VWA3B: variants seen among roughly 807,000 people sequenced by gnomAD.
VWA3B encodes von Willebrand factor A domain-containing protein 3B.
VWA3B carries 138 observed loss-of-function variants against 158.3 expected under a neutral mutation model. The observed-to-expected ratio is 0.87, with a 90% CI of 0.76 to 1.00. The LOEUF (loss-of-function observed/expected upper bound fraction) is 1.00. Ranked by LOEUF, VWA3B falls within the 50% of genes least tolerant of loss-of-function variation. VWA3B has a pLI of 0.00. For synonymous variants in VWA3B, 596 were observed against 587.3 expected, an observed-to-expected ratio of 1.01 and a Z score of -0.21; for missense variants, 1,555 against 1,565.1, an observed-to-expected ratio of 0.99 and a Z score of 0.11.
intron 7 of VWA3B, among the ~76,000 whole-genome samples, chr2:98,157,309 T>A (rs1460320793): frequency 1.3e-5 from 2 of 152,196 alleles, no homozygotes; most frequent in African/African-American, 4.8e-5. Context: ...AATTAATGAA[T>A]GGTTAATTTC....
Position 98,162,835 on chromosome 2 carries a change from G to C in VWA3B, c.989-16G>C, listed in dbSNP as rs371601043. ...CCTGTCTCAGCCGGCCGCTCATGCT[G>C]TGTCTCCCCTTTTAGGAGCTGGAGT... On this transcript the variant is annotated splice_polypyrimidine_tract_variant and intron_variant, in intron 7 of 27. Coordinates refer to ENST00000477737, the MANE Select transcript of VWA3B (RefSeq NM_144992.5). 1 of 1,612,950 alleles carries C rather than the reference G, an allele frequency of 6.2e-7. No individual in the cohort carries two copies. Among genetic ancestry groups the C allele is most frequent in the South Asian group, 1.1e-5 (1 of 91,000 alleles).
At chr2:98,278,419 T>C (rs1688661025) in intron 22 of VWA3B, among the ~76,000 whole-genome samples, 1 of 152,214 alleles carries the variant, frequency 6.6e-6, no homozygotes, top group African/African-American at 2.4e-5. Flanking sequence ...GTTTAACTCC[T>C]TGGTGTGACA....
chr2:98,130,191 T>A (rs186811089), intron 6 of VWA3B, among the ~76,000 whole-genome samples: 1 of 152,196 alleles, frequency 6.6e-6, no homozygotes, highest in Non-Finnish European at 1.5e-5. Flanking sequence ...GATGTGCATA[T>A]ACATAAACAT....
chr2:98,194,274 T>C (rs1006373927), intron 11 of VWA3B, 87 bp from the exon 12 acceptor site: 28 of 1,377,894 alleles, frequency 2.0e-5, no homozygotes, highest in Non-Finnish European at 2.6e-5. Context: ...GAGACCATCA[T>C]GATTAAAATA....
intron 25 of VWA3B, 61 bp downstream of exon 25, chr2:98,300,277 C>A: frequency 6.3e-7 from 1 of 1,598,168 alleles, no homozygotes; most frequent in Non-Finnish European, 8.5e-7. Context: ...TGTATCCTGG[C>A]ACTGCCAGGC....
chr2:98,182,353 C>A (rs766355648), intron 9 of VWA3B, among the ~76,000 whole-genome samples: 16 of 152,218 alleles, frequency 1.1e-4, no homozygotes, highest in Middle Eastern at 3.2e-3. Context: ...GGAAAGGGCA[C>A]TGTCCGTCGG....
intron 22 of VWA3B, among the ~76,000 whole-genome samples, chr2:98,272,694 G>A (rs1034994645): frequency 6.6e-6 from 1 of 152,090 alleles, no homozygotes; most frequent in Non-Finnish European, 1.5e-5. Flanking sequence ...AGGATGTTAG[G>A]AGTTATGAGC....
At chr2:98,329,877 G>A in the VWA3B span, among the ~76,000 whole-genome samples, 2 of 152,170 alleles carry the variant, frequency 1.3e-5, no homozygotes. Context: ...AAGAGTCTCA[G>A]CCTGCCCTTC....
chr2:98,180,936 C>G, intron 8 of VWA3B, 80 bp from the exon 9 acceptor site: 1 of 1,380,454 alleles, frequency 7.2e-7, no homozygotes, highest in Non-Finnish European at 9.9e-7. Flanking sequence ...GAACACGTTC[C>G]AAGTTGGTCA....
At chr2:98,178,915 C>T (rs756151068) in intron 8 of VWA3B, among the ~76,000 whole-genome samples, 1 of 152,124 alleles carries the variant, frequency 6.6e-6, no homozygotes, top group African/African-American at 2.4e-5. Context: ...AAAACATTTC[C>T]CTGCCAGGAA....
chr2:98,329,261 G>A, the VWA3B span, among the ~76,000 whole-genome samples: 1 of 152,150 alleles, frequency 6.6e-6, no homozygotes, highest in Non-Finnish European at 1.5e-5. Flanking sequence ...AGAAATATTT[G>A]TGACCATGGA....
rs201836619 is a variant in VWA3B, at chr2:98,230,224, T to C, written c.2308+17T>C. The C allele has an allele frequency of 6.9e-5, 106 of 1,531,094 alleles. 1 individual carries two copies. Among genetic ancestry groups the C allele is most frequent in the African/African-American group, 5.4e-4 (39 of 71,706 alleles). 94.8% of individuals were successfully genotyped at this position (1,531,094 alleles called of 1,614,324 possible). A position where few individuals can be genotyped will look rare whatever the true frequency, so the allele number is the denominator to read the frequency against. ...TTCACGCAGGTATCAGTGAACAAAA[T>C]GGCTTGACTCTTTGCTGGTTTCTCT... On this transcript the variant is annotated intron_variant, in intron 16 of 27. Transcript: ENST00000477737.
At chr2:98,330,053 AAC>A in the VWA3B span, among the ~76,000 whole-genome samples, 5 of 152,216 alleles carry the variant, frequency 3.3e-5, no homozygotes, top group Non-Finnish European at 7.3e-5. Context: ...CTAAGGCAGA[AAC>A]ATCACATACC....
chr2:98,193,886 C>A (rs1681810427), intron 11 of VWA3B, among the ~76,000 whole-genome samples: 1 of 151,734 alleles, frequency 6.6e-6, no homozygotes, highest in Non-Finnish European at 1.5e-5. Context: ...CCGTGCCCAG[C>A]CAAAATGCAC....
intron 8 of VWA3B, among the ~76,000 whole-genome samples, chr2:98,177,773 G>C (rs1680135299): frequency 6.6e-6 from 1 of 152,016 alleles, no homozygotes; most frequent in Non-Finnish European, 1.5e-5. Context: ...GTTAGTCTCT[G>C]ACTCTTTCAA....
At chr2:98,316,321 T>C (rs1034776643), downstream of VWA3B, among the ~76,000 whole-genome samples, 5 of 152,192 alleles carry the variant, frequency 3.3e-5, no homozygotes, top group Non-Finnish European at 1.5e-5. Flanking sequence ...AGCAGTGATA[T>C]GGTTTCCACC....
At chr2:98,309,118 C>T (rs1458623280) in intron 26 of VWA3B, among the ~76,000 whole-genome samples, 1 of 145,506 alleles carries the variant, frequency 6.9e-6, no homozygotes, top group Non-Finnish European at 1.5e-5. Context: ...TGCCATGAGC[C>T]GAGATCACAC....
In VWA3B at chr2:98,181,130, T is replaced by C. The variant is rs897649672; in HGVS notation, c.1229T>C (p.Leu410Pro). 1 of 1,614,108 alleles carries C rather than the reference T, an allele frequency of 6.2e-7. No homozygotes were observed. Among genetic ancestry groups the C allele is most frequent in the African/African-American group, 1.3e-5 (1 of 74,938 alleles). The change falls in exon 9 of 28, where the codon CTT (leucine) becomes CCT (proline). Residue 410 changes from leucine to proline, a missense_variant. Transcript: ENST00000477737. The stretch of plus-strand genomic sequence containing the variant: ...CAGAAGCTATCCTTGTATGATGTGC[T>C]TGCCGACTGCTCTTTCCGCCACGCT... ...KAQKLSLYDVLADCSFRHADG... is the reference protein window; with the variant it reads ...KAQKLSLYDVPADCSFRHADG...
At position 98,181,936 on chromosome 2, in the gene VWA3B, G is replaced by A. The variant is rs78096129; in HGVS notation, c.1311+724G>A. On this transcript the variant is annotated intron_variant, in intron 9 of 27. Coordinates refer to ENST00000477737, the MANE Select transcript of VWA3B (RefSeq NM_144992.5). ...TGAGAAGCAGAGAGGTGTAGAACAG[G>A]AACCAGAAGACAAGGTGTCAAAGGT... is the stretch of plus-strand genomic sequence containing the variant. Among the ~76,000 whole-genome samples, 559 of 152,322 alleles carry A rather than the reference G, an allele frequency of 3.7e-3. 4 individuals carry two copies. The highest frequency in any genetic ancestry group is 0.013 in the African/African-American group (525 of 41,564).
Sources: allele counts gnomAD v4.1 joint callset (sites outside exome capture counted in the v4.1 genomes callset), GRCh38; gene constraint gnomAD v4.1.1; transcripts MANE v1.5; gene names NCBI Gene and HGNC (gene_info 2026-07-23, HGNC 2026-07-21).